ZNF600: variants seen among roughly 807,000 people sequenced by gnomAD.
ZNF600 encodes zinc finger protein KR-ZNF1.
ZNF600 carries 4 observed loss-of-function variants against 7.3 expected under a neutral mutation model. That is an observed-to-expected ratio of 0.55 (90% CI 0.27 to 1.25). The LOEUF (loss-of-function observed/expected upper bound fraction) is 1.25. Ranked by LOEUF, ZNF600 falls within the 50% of genes most tolerant of loss-of-function variation. The pLI is 0.12. For missense variants in ZNF600, 911 were observed against 922.1 expected (o/e 0.99, Z 0.16); for synonymous variants, 290 against 308.9 (o/e 0.94, Z 0.64).
chr19:52,785,069 A>G (rs1458268353), intron 1 of ZNF600, among the ~76,000 whole-genome samples: 1 of 149,906 alleles, frequency 6.7e-6, no homozygotes, highest in African/African-American at 2.5e-5. Context: ...TCCCTCCCTA[A>G]TTCTGTGCAT....
At chr19:52,814,564 A>G in the ZNF600 span, 1 of 145,782 alleles carries the variant, frequency 6.9e-6, no homozygotes, top group East Asian at 2.0e-4. Context: ...ACTGCATTCC[A>G]GCCTGGACAA....
At position 52,774,492 on chromosome 19, in the gene ZNF600, T is replaced by C. The variant is rs112881949; in HGVS notation, c.190+83A>G. ...AAAAAAAGCCATGCATGGGGCAAAA[T>C]CACAAAAGAGAACACAAAACCAGGA... On this transcript the variant is annotated intron_variant, in intron 3 of 3. Transcript: ENST00000648973. 7.3e-3 allele frequency: 6,366 copies of C among 868,508 alleles called. 29 individuals carry two copies. The highest frequency in any genetic ancestry group is 0.011 in the Middle Eastern group (18 of 1,650). 53.8% of individuals were successfully genotyped at this position (868,508 alleles called of 1,614,324 possible). A position where few individuals can be genotyped will look rare whatever the true frequency, so the allele number is the denominator to read the frequency against.
chr19:52,807,816 C>T, the ZNF600 span: 1 of 998,382 alleles, frequency 1.0e-6, no homozygotes, highest in Non-Finnish European at 1.4e-6. Context: ...GGAAGCTCCA[C>T]TGAGCTATCA....
chr19:52,818,313 G>T, the ZNF600 span, among the ~76,000 whole-genome samples: 1 of 152,168 alleles, frequency 6.6e-6, no homozygotes. Context: ...GCGCATCTGT[G>T]TGTCTGTGGT....
chr19:52,780,495 G>A (rs1170109863), intron 1 of ZNF600, among the ~76,000 whole-genome samples, 86 bp downstream of exon 3: 1 of 152,172 alleles, frequency 6.6e-6, no homozygotes, highest in African/African-American at 2.4e-5. Flanking sequence ...TGGAAGAGAG[G>A]AGGGCACAGG....
chr19:52,805,761 TC>T, the ZNF600 span: 3 of 152,022 alleles, frequency 2.0e-5, no homozygotes, highest in African/African-American at 7.2e-5. Context: ...GCTGGGCAGA[TC>T]ACCTGAGGTC....
rs879229955 is a variant in ZNF600, at chr19:52,766,146, T to C, written c.1817A>G (p.Gln606Arg). ...ACGATGGCAATGAAGGTATGACCTC[T>C]GACTGAAGGTCTTGCTGCACTCATT... The change falls in exon 4 of 4, where the codon CAG (glutamine) becomes CGG (arginine). Residue 606 changes from glutamine (Q) to arginine (R), a missense_variant. By Grantham distance (43) the Gln-to-Arg change is conservative. Transcript: ENST00000648973. The C allele has an allele frequency of 6.2e-6, 10 of 1,614,048 alleles. No homozygotes were observed. Among genetic ancestry groups the C allele is most frequent in the East Asian group, 4.5e-5 (2 of 44,872 alleles).
At chr19:52,767,270 G>A (rs768493711) in exon 4 of ZNF600, 50 of 1,614,016 alleles carry the variant, frequency 3.1e-5, no homozygotes, top group Non-Finnish European at 4.0e-5. Flanking sequence ...CATTACATTG[G>A]AAAGATTTTT....
chr19:52,819,079 G>C, the ZNF600 span, among the ~76,000 whole-genome samples: 1 of 139,434 alleles, frequency 7.2e-6, no homozygotes, highest in African/African-American at 2.8e-5. Context: ...AATAAGAACA[G>C]GGACAACAAC....
the ZNF600 span, among the ~76,000 whole-genome samples, chr19:52,806,660 G>A: frequency 2.7e-5 from 4 of 149,506 alleles, no homozygotes; most frequent in Admixed American, 1.3e-4. Flanking sequence ...CCAGTGTTTT[G>A]GGAATCTGAG....
exon 4 of ZNF600, chr19:52,765,788 A>G (rs771879744): frequency 1.2e-6 from 2 of 1,613,814 alleles, no homozygotes; most frequent in African/African-American, 1.3e-5. Flanking sequence ...GAATTCTCCT[A>G]TGTCTTTTAA....
At chr19:52,806,652 A>T in the ZNF600 span, among the ~76,000 whole-genome samples, 1 of 147,518 alleles carries the variant, frequency 6.8e-6, no homozygotes, top group Non-Finnish European at 1.5e-5. Flanking sequence ...CTACGGTCCC[A>T]GTGTTTTGGG....
chr19:52,791,376 G>C (rs571103939), upstream of ZNF600, among the ~76,000 whole-genome samples: 11 of 152,344 alleles, frequency 7.2e-5, no homozygotes, highest in Non-Finnish European at 1.6e-4. Context: ...GGCAGGCATG[G>C]GTGAGTGCAA....
the ZNF600 span, chr19:52,799,535 A>G: frequency 1.6e-5 from 22 of 1,366,764 alleles, no homozygotes; most frequent in South Asian, 2.4e-4. Context: ...GTTTCTCTCC[A>G]GTATGAATGG....
intron 1 of ZNF600, among the ~76,000 whole-genome samples, chr19:52,782,880 T>C (rs779444856): frequency 1.4e-5 from 2 of 148,068 alleles, no homozygotes; most frequent in African/African-American, 5.0e-5. Context: ...ATCTCAAAAA[T>C]AAAAAATAAA....
chr19:52,799,292 T>A, the ZNF600 span: 2 of 409,762 alleles, frequency 4.9e-6, no homozygotes, highest in Admixed American at 4.0e-5. Context: ...CAGTTTGAAT[T>A]CTAATATGTT....
At chr19:52,786,386 GGGGC>G in intron 1 of ZNF600, among the ~76,000 whole-genome samples, 1 of 152,250 alleles carries the variant, frequency 6.6e-6, no homozygotes, top group South Asian at 2.1e-4. Context: ...GGTGCCAACT[GGGGC>G]GAGGCTGGGA....
In ZNF600 at chr19:52,783,517, A is replaced by G. The variant is rs76416706; in HGVS notation, c.-20+3078T>C. On this transcript the variant is annotated intron_variant, in intron 1 of 3. Coordinates refer to ENST00000648973, the Ensembl canonical transcript of ZNF600. ...GCCGGGACTACAGGCGCCCGCCACC[A>G]CGCCCGGCTAATTTTTAGTTTTCTT... 9.1e-3 allele frequency among the ~76,000 whole-genome samples: 1,380 copies of G among 151,554 alleles called. 11 individuals are homozygous for G. Among genetic ancestry groups the G allele is most frequent in the Non-Finnish European group, 0.015 (985 of 67,878 alleles).
chr19:52,804,276 C>A, the ZNF600 span, among the ~76,000 whole-genome samples: 1 of 152,166 alleles, frequency 6.6e-6, no homozygotes, highest in Non-Finnish European at 1.5e-5. Flanking sequence ...TTGTCTTAAG[C>A]CTCCCAGTTT....
Sources: gnomAD v4.1 joint callset for allele counts (sites outside exome capture counted in the v4.1 genomes callset) on GRCh38, gnomAD v4.1.1 for gene constraint, MANE v1.5 for transcripts, NCBI Gene and HGNC (gene_info 2026-07-23, HGNC 2026-07-21) for gene names.